Variants in SLC9C1 observed in about 807,000 individuals in gnomAD.
The protein encoded by SLC9C1 is sodium/hydrogen exchanger 10.
In SLC9C1, 97 loss-of-function variants were observed where a neutral mutation model predicts 140.9. The observed-to-expected ratio is 0.69, with a 90% confidence interval of 0.58 to 0.82. SLC9C1 has a LOEUF of 0.82. Ranked by LOEUF, SLC9C1 falls within the 40% of genes least tolerant of loss-of-function variation. The pLI is 0.00. For missense variants in SLC9C1, 1,340 were observed against 1,389.3 expected (o/e 0.96, Z 0.56); for synonymous variants, 440 against 442.6 (o/e 0.99, Z 0.07).
chr3:112,180,862 T>A (rs1455377742), intron 21 of SLC9C1, among the ~76,000 whole-genome samples, 200 bp from the exon 22 acceptor site: 1 of 152,044 alleles, frequency 6.6e-6, no homozygotes, highest in Non-Finnish European at 1.5e-5. Flanking sequence ...TTGAGCCAAT[T>A]CTCCTACCTC....
At chr3:112,247,887 G>C (rs993868395) in intron 10 of SLC9C1, among the ~76,000 whole-genome samples, 1 of 150,688 alleles carries the variant, frequency 6.6e-6, no homozygotes, top group Non-Finnish European at 1.5e-5. Flanking sequence ...GTGTGTGTGT[G>C]TGTGTGTGTG....
At chr3:112,158,000 G>T (rs1177686742) in intron 26 of SLC9C1, among the ~76,000 whole-genome samples, 1 of 151,944 alleles carries the variant, frequency 6.6e-6, no homozygotes, top group Non-Finnish European at 1.5e-5. Context: ...CAAGTTGGAT[G>T]CCTTTATTTT....
At chr3:112,211,342 G>T (rs1187227398) in intron 15 of SLC9C1, among the ~76,000 whole-genome samples, 2 of 152,190 alleles carry the variant, frequency 1.3e-5, no homozygotes, top group Non-Finnish European at 2.9e-5. Context: ...TCTCACTGGG[G>T]CTTGTTGGAC....
chr3:112,192,643 TTTA>T (rs2077687888), intron 20 of SLC9C1, among the ~76,000 whole-genome samples: 1 of 152,170 alleles, frequency 6.6e-6, no homozygotes, highest in Admixed American at 6.5e-5. Context: ...TGGTTTAGTC[TTTA>T]TTGAAGCTCT....
At chr3:112,166,716 T>C (rs987784101) in intron 26 of SLC9C1, among the ~76,000 whole-genome samples, 3 of 152,092 alleles carry the variant, frequency 2.0e-5, no homozygotes, top group African/African-American at 7.2e-5. Flanking sequence ...TTAATATTTA[T>C]CTCAAAATTC....
intron 16 of SLC9C1, 119 bp downstream of exon 16, chr3:112,208,059 G>A: frequency 1.3e-6 from 1 of 748,236 alleles, no homozygotes. Context: ...TTGGAGACGT[G>A]AGGAAGAAAT....
At chr3:112,192,253 T>C (rs1368642107) in intron 20 of SLC9C1, among the ~76,000 whole-genome samples, 1 of 152,138 alleles carries the variant, frequency 6.6e-6, no homozygotes, top group Non-Finnish European at 1.5e-5. Flanking sequence ...CATTAAACAA[T>C]AATTCCCCAT....
intron 10 of SLC9C1, among the ~76,000 whole-genome samples, chr3:112,247,920 A>G (rs1168114894): frequency 9.7e-6 from 1 of 103,484 alleles, no homozygotes; most frequent in Non-Finnish European, 2.2e-5. Flanking sequence ...GCTGAAATAT[A>G]CTGTTGATAT....
At chr3:112,256,492 A>G (rs780620721) in intron 10 of SLC9C1, among the ~76,000 whole-genome samples, 3 of 152,220 alleles carry the variant, frequency 2.0e-5, no homozygotes, top group African/African-American at 7.2e-5. Flanking sequence ...CCATAGATGC[A>G]GAAAAGACTG....
chr3:112,178,957 A>C (rs1576281925), intron 23 of SLC9C1, among the ~76,000 whole-genome samples: 1 of 152,228 alleles, frequency 6.6e-6, no homozygotes, highest in East Asian at 1.9e-4. Context: ...CTCTTAAAAA[A>C]TCCATTTTCA....
intron 20 of SLC9C1, among the ~76,000 whole-genome samples, chr3:112,196,748 C>T (rs1265337308): frequency 6.6e-6 from 1 of 151,952 alleles, no homozygotes; most frequent in Non-Finnish European, 1.5e-5. Context: ...TTTAGATTTT[C>T]TGTGTCTTTA....
intron 1 of SLC9C1, among the ~76,000 whole-genome samples, chr3:112,291,903 G>T (rs2080694667): frequency 6.6e-6 from 1 of 152,184 alleles, no homozygotes. Context: ...TAAACTAAAT[G>T]TGGCACATAT....
At position 112,217,473 on chromosome 3, in the gene SLC9C1, T is replaced by G. The variant is rs1179967000; in HGVS notation, c.1759A>C (p.Asn587His). The change falls in exon 15 of 29, where the codon AAT (asparagine) becomes CAT (histidine). Residue 587 changes from asparagine (N) to histidine (H), a missense_variant. By Grantham distance (68) the Asn-to-His change is moderately conservative. Transcript: ENST00000305815. ...ARKLLLNWVY[N>H]TRKEKEGPSK... ...GGGCCCTCTTTTTCCTTTCTGGTAT[T>G]ATACACCCAATTAAGTAGTAGTTTT... is the stretch of plus-strand genomic sequence containing the variant. The G allele has an allele frequency of 6.2e-7, 1 of 1,607,240 alleles. No individual in the cohort carries two copies. Among genetic ancestry groups the G allele is most frequent in the Admixed American group, 1.7e-5 (1 of 58,656 alleles).
chr3:112,250,034 G>A (rs1038287687), intron 10 of SLC9C1, among the ~76,000 whole-genome samples: 2 of 151,570 alleles, frequency 1.3e-5, no homozygotes, highest in African/African-American at 4.9e-5. Flanking sequence ...TTTAGCATTA[G>A]GTATATCTCC....
chr3:112,160,264 A>C (rs1238843361), intron 26 of SLC9C1, among the ~76,000 whole-genome samples: 3 of 146,534 alleles, frequency 2.0e-5, no homozygotes, highest in Non-Finnish European at 4.5e-5. Flanking sequence ...TTATTTTTTT[A>C]AGTTTTTTTT....
chr3:112,211,680 G>C (rs368237740), intron 15 of SLC9C1, among the ~76,000 whole-genome samples: 123 of 152,228 alleles, frequency 8.1e-4, no homozygotes, highest in African/African-American at 2.8e-3. Flanking sequence ...CCATTGCTGA[G>C]GCTTGAGTAG....
rs143659978 is a variant in SLC9C1 at position 112,244,437 on chromosome 3, A to G, written c.1198-361T>C. 1.4e-3 allele frequency among the ~76,000 whole-genome samples: 208 copies of G among 152,260 alleles called. 1 individual carries two copies. The highest frequency in any genetic ancestry group is 4.2e-3 in the African/African-American group (175 of 41,554). ...TTATCAATCCTTATCCACTATACAA[A>G]CCTGGCTGTGCATGGCCACACCGTT... On this transcript the variant is annotated intron_variant, in intron 10 of 28. Transcript: ENST00000305815.
intron 20 of SLC9C1, among the ~76,000 whole-genome samples, chr3:112,193,820 T>A (rs2077714707): frequency 6.6e-6 from 1 of 151,994 alleles, no homozygotes; most frequent in Non-Finnish European, 1.5e-5. Context: ...TTGTCCTGAA[T>A]GGGGCTGCAA....
At chr3:112,265,224 C>T (rs1268329714) in intron 8 of SLC9C1, among the ~76,000 whole-genome samples, 1 of 151,960 alleles carries the variant, frequency 6.6e-6, no homozygotes, top group Admixed American at 6.6e-5. Context: ...AGAAAGACAT[C>T]ACAACTTATA....
Sources: gnomAD v4.1 joint callset for allele counts (sites outside exome capture counted in the v4.1 genomes callset) on GRCh38, gnomAD v4.1.1 for gene constraint, MANE v1.5 for transcripts, NCBI Gene and HGNC (gene_info 2026-07-23, HGNC 2026-07-21) for gene names.